Variants in SVIL observed in about 807,000 individuals in gnomAD.
SVIL encodes the protein supervillin.
A neutral mutation model predicts 240.4 loss-of-function variants in SVIL; 101 were observed. That is an observed-to-expected ratio of 0.42 (90% CI 0.36 to 0.50). The LOEUF (loss-of-function observed/expected upper bound fraction) is 0.50, where lower values mean the gene tolerates loss of function less well. SVIL is among the 20% of genes least tolerant of loss of function. SVIL has a pLI of 0.01. For synonymous variants in SVIL, 999 were observed against 1,100.0 expected, an observed-to-expected ratio of 0.91 and a Z score of 1.82; for missense variants, 2,512 against 2,818.7, an observed-to-expected ratio of 0.89 and a Z score of 2.46.
At chr10:29,628,209 C>T (rs1012454448) in intron 1 of SVIL, among the ~76,000 whole-genome samples, 2 of 152,194 alleles carry the variant, frequency 1.3e-5, no homozygotes, top group African/African-American at 2.4e-5. Context: ...TCATAACCTA[C>T]CTCTTAATTC....
chr10:29,487,344 G>A (rs1355524004), intron 23 of SVIL, 45 bp from the exon 24 acceptor site: 4 of 1,610,154 alleles, frequency 2.5e-6, no homozygotes, highest in South Asian at 1.1e-5. Flanking sequence ...ACAGAACGGG[G>A]ATAGGACGCA....
intron 1 of SVIL, among the ~76,000 whole-genome samples, chr10:29,597,436 T>C (rs1243985222): frequency 1.3e-5 from 2 of 152,126 alleles, no homozygotes; most frequent in Non-Finnish European, 2.9e-5. Context: ...ATTTTTATTT[T>C]TGAGAGGGAG....
intron 2 of SVIL, among the ~76,000 whole-genome samples, chr10:29,679,967 G>C (rs879714785): frequency 2.4e-4 from 36 of 151,424 alleles, no homozygotes; most frequent in Admixed American, 1.5e-3. Context: ...AGGATTGCTT[G>C]AGCCCAGGAG....
intron 6 of SVIL, among the ~76,000 whole-genome samples, chr10:29,539,243 C>T (rs923796409): frequency 2.0e-5 from 3 of 152,258 alleles, no homozygotes; most frequent in South Asian, 2.1e-4. Context: ...CATAATAAGC[C>T]TTTTAAATGC....
At chr10:29,678,107 A>T (rs1960340261) in intron 2 of SVIL, among the ~76,000 whole-genome samples, 1 of 152,122 alleles carries the variant, frequency 6.6e-6, no homozygotes, top group Non-Finnish European at 1.5e-5. Context: ...AGTTTTGTGG[A>T]AGACAATTTT....
rs532929987 is a variant in SVIL, at chr10:29,533,105, T to G, written c.1262A>C (p.His421Pro). ...EGDGRDSPVL[H>P]VCESKAEEEE... ...TTCTTCTGCTTTTGACTCGCAGACA[T>G]GGAGAACTGGGCTATCCCTTCCGTC... The change falls in exon 8 of 38, where the codon CAT (histidine) becomes CCT (proline). Residue 421 changes from histidine (H) to proline (P), a missense_variant. His to Pro is a moderately conservative substitution (Grantham distance 77). Transcript: ENST00000355867. 1.2e-6 allele frequency: 2 copies of G among 1,614,086 alleles called. No homozygotes were observed. The highest frequency in any genetic ancestry group is 4.5e-5 in the East Asian group (2 of 44,876).
At chr10:29,555,937 A>T (rs1306255045) in intron 3 of SVIL, among the ~76,000 whole-genome samples, 1 of 152,204 alleles carries the variant, frequency 6.6e-6, no homozygotes, top group African/African-American at 2.4e-5. Flanking sequence ...TACAGTTTAG[A>T]TGAACACAGG....
chr10:29,643,531 C>T (rs74131919), intron 3 of SVIL, among the ~76,000 whole-genome samples: 2,644 of 152,218 alleles, frequency 0.017, 76 homozygotes, highest in African/African-American at 0.061. Context: ...GAGCTTGTGG[C>T]CTTCTGTACC....
intron 7 of SVIL, 100 bp from the exon 8 acceptor site, chr10:29,533,558 C>T: frequency 6.8e-7 from 1 of 1,460,470 alleles, no homozygotes; most frequent in South Asian, 1.4e-5. Flanking sequence ...GGAAACTGAC[C>T]TGAGAGAGAA....
chr10:29,548,399 T>A (rs1482488840), intron 6 of SVIL, among the ~76,000 whole-genome samples: 1 of 152,208 alleles, frequency 6.6e-6, no homozygotes, highest in Non-Finnish European at 1.5e-5. Flanking sequence ...ACCTAGACAA[T>A]TACCCCAAAG....
chr10:29,607,612 G>A (rs181927967), intron 1 of SVIL, among the ~76,000 whole-genome samples: 196 of 152,132 alleles, frequency 1.3e-3, no homozygotes, highest in African/African-American at 4.5e-3. Context: ...CATTGTTACT[G>A]TAGCAAGTGT....
At chr10:29,667,974 C>A (rs115675579) in intron 2 of SVIL, among the ~76,000 whole-genome samples, 1 of 152,246 alleles carries the variant, frequency 6.6e-6, no homozygotes, top group Admixed American at 6.5e-5. Context: ...ATAAAATTAT[C>A]TCATGGAATA....
At chr10:29,663,393 T>G (rs1959180219) in intron 2 of SVIL, among the ~76,000 whole-genome samples, 1 of 152,222 alleles carries the variant, frequency 6.6e-6, no homozygotes, top group Non-Finnish European at 1.5e-5. Context: ...TTCTTTTTTT[T>G]GTTTTTTTCT....
chr10:29,582,496 G>A (rs1442768188), intron 1 of SVIL, among the ~76,000 whole-genome samples: 1 of 152,086 alleles, frequency 6.6e-6, no homozygotes, highest in Non-Finnish European at 1.5e-5. Context: ...CAGCACTTTG[G>A]GAGGCTGAGG....
At chr10:29,735,864 G>C (rs1713283379), upstream of SVIL, 3 of 152,116 alleles carry the variant, frequency 2.0e-5, no homozygotes, top group South Asian at 6.2e-4. The surrounding 1 kb of genome is among the most constrained non-coding windows in gnomAD (Gnocchi z 4.1). Flanking sequence ...CGTTCCCACC[G>C]CGCGGGGAGC....
chr10:29,519,148 C>A (rs1950406187), intron 16 of SVIL, among the ~76,000 whole-genome samples: 1 of 152,192 alleles, frequency 6.6e-6, no homozygotes, highest in East Asian at 1.9e-4. Flanking sequence ...AGCATGTGAA[C>A]TGAGAAAATT....
intron 1 of SVIL, among the ~76,000 whole-genome samples, chr10:29,628,107 A>G (rs1282903059): frequency 1.3e-5 from 2 of 152,272 alleles, no homozygotes; most frequent in African/African-American, 4.8e-5. Flanking sequence ...CATAGCACAC[A>G]GTAAACTAAA....
intron 3 of SVIL, among the ~76,000 whole-genome samples, chr10:29,646,582 T>C (rs1162717057): frequency 2.0e-5 from 3 of 152,258 alleles, no homozygotes; most frequent in African/African-American, 7.2e-5. Context: ...CCCAGAAACA[T>C]GATCCTGCTT....
chr10:29,458,358 CG>C, intron 37 of SVIL, 25 bp from the exon 38 acceptor site: 1 of 1,613,194 alleles, frequency 6.2e-7, no homozygotes, highest in South Asian at 1.1e-5. Flanking sequence ...AGAAGCGCCC[CG>C]CGGCTCAGTG....
Sources: allele counts gnomAD v4.1 joint callset (sites outside exome capture counted in the v4.1 genomes callset), GRCh38; gene constraint gnomAD v4.1.1; non-coding constraint Gnocchi (gnomAD v3.1); transcripts MANE v1.5; gene names NCBI Gene and HGNC (gene_info 2026-07-23, HGNC 2026-07-21).